DRP2: variants seen among roughly 807,000 people sequenced by gnomAD.
DRP2 encodes the protein dystrophin related protein 2.
A neutral mutation model predicts 78.2 loss-of-function variants in DRP2; 29 were observed. The observed-to-expected ratio is 0.37, with a 90% CI of 0.28 to 0.51. The LOEUF (loss-of-function observed/expected upper bound fraction) is 0.51. DRP2 is among the 20% of genes least tolerant of loss of function. DRP2 has a pLI of 0.94. For synonymous variants in DRP2, 290 were observed against 281.9 expected (o/e 1.03, Z -0.29); for missense variants, 686 against 770.6 (o/e 0.89, Z 1.30).
intron 3 of DRP2, among the ~76,000 whole-genome samples, chrX:101,235,041 C>G (rs1409429069): frequency 8.1e-5 from 9 of 111,117 alleles, no homozygotes; most frequent in Non-Finnish European, 3.8e-5. Context: ...CTGGGCAGTT[C>G]TGACACTGTT....
intron 3 of DRP2, among the ~76,000 whole-genome samples, chrX:101,234,648 G>A (rs1239258871): frequency 9.0e-6 from 1 of 111,657 alleles, no homozygotes; most frequent in Non-Finnish European, 1.9e-5. Context: ...TCATGGAGCT[G>A]CCGGATCCTG....
At position 101,231,470 on chromosome X, in the gene DRP2, G is replaced by T. The variant is rs1569507965; in HGVS notation, c.-63-115G>T. 16 of 509,530 alleles carry T rather than the reference G, an allele frequency of 3.1e-5. No individual in the cohort carries two copies. The South Asian group carries it at 4.5e-4, about 14-fold the overall frequency. The allele number at this position is 509,530 out of a possible 1,213,427, so 42.0% of individuals were successfully genotyped here. ...TTATGGTACATGGTGGCCTGGGTAG[G>T]TCAGTAAGTTTTGAATACTTATTTG... On this transcript the variant is annotated intron_variant, in intron 2 of 23. Transcript: ENST00000395209.
intron 20 of DRP2, 72 bp downstream of exon 20, chrX:101,255,321 G>A: frequency 9.4e-7 from 1 of 1,065,021 alleles, no homozygotes; most frequent in South Asian, 1.9e-5. Context: ...TTTGGGAAGG[G>A]TATATCCTCC....
chrX:101,245,590 C>A (rs1398901995), intron 11 of DRP2, 141 bp downstream of exon 11: 1 of 505,561 alleles, frequency 2.0e-6, no homozygotes, highest in Non-Finnish European at 3.2e-6. Flanking sequence ...GAAGGAAATA[C>A]TGCCATTTGA....
intron 5 of DRP2, among the ~76,000 whole-genome samples, 178 bp downstream of exon 5, chrX:101,237,953 C>T (rs780624713): frequency 8.9e-6 from 1 of 111,936 alleles, no homozygotes; most frequent in East Asian, 2.8e-4. Flanking sequence ...TTTCTTTCTA[C>T]CCCTCCCATC....
rs1923621971 is a variant in DRP2 at position 101,263,144 on chromosome X, T to C, written c.*2523T>C. 1 of 111,957 alleles carries C rather than the reference T, an allele frequency of 8.9e-6. No homozygotes were observed. Among genetic ancestry groups the C allele is most frequent in the Admixed American group, 9.4e-5 (1 of 10,589 alleles). 9.2% of individuals were successfully genotyped at this position (111,957 alleles called of 1,213,427 possible). On this transcript the variant is annotated 3_prime_UTR_variant, in exon 24 of 24. Transcript: ENST00000395209. ...ACCTTAATGCCTAAGGTGAGTGTAT[T>C]GTTCAAGGGTCCAGGGACAGTCACT...
At chrX:101,253,345 C>T (rs1277426447) in intron 17 of DRP2, among the ~76,000 whole-genome samples, 2 of 109,884 alleles carry the variant, frequency 1.8e-5, no homozygotes, top group African/African-American at 6.6e-5. Flanking sequence ...TGCTCCTGTG[C>T]TGTGTCTAAA....
intron 3 of DRP2, among the ~76,000 whole-genome samples, chrX:101,234,061 A>G (rs965690483): frequency 8.9e-6 from 1 of 111,937 alleles, no homozygotes; most frequent in Non-Finnish European, 1.9e-5. Context: ...CGATGCTGCC[A>G]TCCCATGGCT....
At position 101,263,183 on chromosome X, in the gene DRP2, G is replaced by A. The variant is rs1346765219; in HGVS notation, c.*2562G>A. On this transcript the variant is annotated 3_prime_UTR_variant, in exon 24 of 24. Coordinates refer to ENST00000395209, the MANE Select transcript of DRP2 (RefSeq NM_001939.3). Reference sequence around the variant, plus strand: ...GGGACAGTCACTGCAGTATGTGTGGGGAATTTTCCCACAGTAAGGTAAATG... The same window carrying A: ...GGGACAGTCACTGCAGTATGTGTGGAGAATTTTCCCACAGTAAGGTAAATG... The A allele has an allele frequency of 8.9e-6, 1 of 111,811 alleles. No individual in the cohort carries two copies. Among genetic ancestry groups the A allele is most frequent in the African/African-American group, 3.3e-5 (1 of 30,711 alleles). The allele number at this position is 111,811 out of a possible 1,213,427, so 9.2% of individuals were successfully genotyped here. A position where few individuals can be genotyped will look rare whatever the true frequency, so the allele number is the denominator to read the frequency against.
At position 101,254,513 on chromosome X, in the gene DRP2, G is replaced by A. The variant is rs1923266225; in HGVS notation, c.2066G>A (p.Arg689Gln). ...CATTATTTCAGCAAACACCCTCAGCGAGGTTATCTGCCTGTGCAATCAGTG... is the reference window on the plus strand; with the variant it reads ...CATTATTTCAGCAAACACCCTCAGCAAGGTTATCTGCCTGTGCAATCAGTG... ...SKHYFSKHPQ[R>Q]GYLPVQSVLE... Residue 689 changes from arginine to glutamine, a missense_variant, in exon 18 of 24, where the codon CGA becomes CAA. Physicochemically the swap from Arg to Gln is conservative, Grantham distance 43. This residue lies in a region of DRP2 where 423 missense variants were observed against 531.5 expected (regional missense o/e 0.80). Coordinates refer to ENST00000395209, the MANE Select transcript of DRP2 (RefSeq NM_001939.3). 8.2e-7 allele frequency: 1 copy of A among 1,212,134 alleles called. No homozygotes were observed. Among genetic ancestry groups the A allele is most frequent in the Middle Eastern group, 2.3e-4 (1 of 4,353 alleles).
At chrX:101,255,532 C>G (rs146371687) in intron 20 of DRP2, among the ~76,000 whole-genome samples, 2 of 111,578 alleles carry the variant, frequency 1.8e-5, no homozygotes, top group Non-Finnish European at 3.8e-5. Flanking sequence ...CTTTGAGGAA[C>G]GAAGAATATG....
At chrX:101,256,028 G>C in intron 20 of DRP2, 90 bp from the exon 21 acceptor site, 1 of 1,048,190 alleles carries the variant, frequency 9.5e-7, no homozygotes, top group Non-Finnish European at 1.2e-6. Context: ...GAATCCTCCA[G>C]CATGCATTTC....
chrX:101,256,188 G>A lies in DRP2; in HGVS notation c.2317G>A (p.Ala773Thr). 2.5e-6 allele frequency: 3 copies of A among 1,207,711 alleles called. No homozygotes were observed. Among genetic ancestry groups the A allele is most frequent in the Non-Finnish European group, 3.4e-6 (3 of 893,831 alleles). The change falls in exon 21 of 24, where the codon GCT becomes ACT. Residue 773 changes from alanine to threonine, a missense_variant. Physicochemically the swap from Ala to Thr is moderately conservative, Grantham distance 58 (BLOSUM62 0). Transcript: ENST00000395209. ...TDREPAFGQQ[A>T]PCSVATESKG... The stretch of plus-strand genomic sequence containing the variant: ...CCGGGAGCCAGCCTTTGGACAGCAG[G>A]CTCCATGCAGTGTGGCCACAGAAAG...
intron 3 of DRP2, among the ~76,000 whole-genome samples, chrX:101,234,199 C>T (rs1922404053): frequency 8.9e-6 from 1 of 112,866 alleles, no homozygotes; most frequent in African/African-American, 3.2e-5. Context: ...AGCTTGTCAC[C>T]AAAGTGGTCT....
chrX:101,224,098 C>A (rs979707221), intron 1 of DRP2, among the ~76,000 whole-genome samples: 1 of 107,729 alleles, frequency 9.3e-6, no homozygotes. Flanking sequence ...TTCCCATTGC[C>A]CTGTTCTTTA....
At chrX:101,258,951 G>C (rs1437336023) in intron 22 of DRP2, among the ~76,000 whole-genome samples, 1 of 112,140 alleles carries the variant, frequency 8.9e-6, no homozygotes, top group Non-Finnish European at 1.9e-5. Context: ...GACAAGTTTG[G>C]CAAGAGAAAG....
intron 1 of DRP2, among the ~76,000 whole-genome samples, chrX:101,224,191 G>GTTTTGTTTTGTTTTTT (rs1922007763): frequency 1.3e-4 from 5 of 38,880 alleles, no homozygotes; most frequent in African/African-American, 5.1e-4. Flanking sequence ...GGTTTTTTTT[G>GTTTTGTTTTGTTTTTT]TTTTTTTTTT....
chrX:101,250,653 A>G (rs1923102342), intron 15 of DRP2, 73 bp downstream of exon 15: 2 of 1,123,787 alleles, frequency 1.8e-6, no homozygotes, highest in Non-Finnish European at 2.4e-6. Flanking sequence ...AAGGAGGACT[A>G]CGAGCTAGGC....
At chrX:101,224,205 T>G (rs1240110091) in intron 1 of DRP2, among the ~76,000 whole-genome samples, 14 of 72,435 alleles carry the variant, frequency 1.9e-4, no homozygotes, top group African/African-American at 4.4e-4. Flanking sequence ...TTTTTTTTTT[T>G]TTTTTTTTTT....
Sources: allele counts gnomAD v4.1 joint callset (sites outside exome capture counted in the v4.1 genomes callset), GRCh38; gene constraint gnomAD v4.1.1; regional missense constraint gnomAD v4.1.1; transcripts MANE v1.5; gene names NCBI Gene and HGNC (gene_info 2026-07-23, HGNC 2026-07-21).